Variants in ZNF215 observed in about 807,000 individuals in gnomAD.
ZNF215 encodes zinc finger protein 215, also known as BWSCR2-associated zinc finger protein 2.
A neutral mutation model predicts 27.2 loss-of-function variants in ZNF215; 24 were observed. The observed-to-expected ratio is 0.88, with a 90% CI of 0.64 to 1.24. The LOEUF is 1.24. Ranked by LOEUF, ZNF215 falls within the 50% of genes most tolerant of loss-of-function variation. The pLI is 0.00. For synonymous variants in ZNF215, 210 were observed against 204.0 expected, an observed-to-expected ratio of 1.03 and a Z score of -0.25; for missense variants, 675 against 605.7, an observed-to-expected ratio of 1.11 and a Z score of -1.20.
chr11:6,962,788 C>A (rs1180019495), downstream of ZNF215, among the ~76,000 whole-genome samples: 1 of 152,004 alleles, frequency 6.6e-6, no homozygotes, highest in Non-Finnish European at 1.5e-5. Context: ...TTGTAACAAG[C>A]CCTCTAATTC....
downstream of ZNF215, among the ~76,000 whole-genome samples, chr11:6,958,432 T>C (rs1164675727): frequency 1.3e-5 from 2 of 152,358 alleles, no homozygotes; most frequent in East Asian, 3.9e-4. Flanking sequence ...AAAAAAGTGT[T>C]TACTATGTTC....
chr11:6,952,040 G>C (rs1425331627), intron 6 of ZNF215, among the ~76,000 whole-genome samples: 1 of 152,124 alleles, frequency 6.6e-6, no homozygotes, highest in Non-Finnish European at 1.5e-5. Context: ...GTAGTTGAGT[G>C]GTTTTGAGTG....
intron 5 of ZNF215, among the ~76,000 whole-genome samples, chr11:6,964,898 G>A (rs1405347508): frequency 6.6e-6 from 1 of 151,962 alleles, no homozygotes; most frequent in African/African-American, 2.4e-5. Flanking sequence ...ATTCTCAAAT[G>A]AGTGCCCAAG....
chr11:6,945,958 A>G (rs1849799808), intron 6 of ZNF215, among the ~76,000 whole-genome samples: 1 of 152,180 alleles, frequency 6.6e-6, no homozygotes. Flanking sequence ...ATGAAACTGA[A>G]GTCTGATTTT....
chr11:6,950,456 T>C (rs1457657346), intron 6 of ZNF215, among the ~76,000 whole-genome samples: 1 of 152,210 alleles, frequency 6.6e-6, no homozygotes, highest in African/African-American at 2.4e-5. Flanking sequence ...ACGTCCCTTG[T>C]AAAGTGGATT....
downstream of ZNF215, among the ~76,000 whole-genome samples, chr11:6,991,868 G>C (rs1416904365): frequency 2.0e-5 from 3 of 152,132 alleles, no homozygotes; most frequent in African/African-American, 7.2e-5. Flanking sequence ...ACTACAACTA[G>C]TTACCTGTCA....
At chr11:6,943,343 C>A in intron 5 of ZNF215, 128 bp downstream of exon 5, 1 of 1,390,802 alleles carries the variant, frequency 7.2e-7, no homozygotes, top group Non-Finnish European at 9.8e-7. Flanking sequence ...ATCCTTTGGA[C>A]ACAGTAGCAG....
chr11:6,949,265 G>A (rs576338212), intron 6 of ZNF215, among the ~76,000 whole-genome samples: 1 of 152,156 alleles, frequency 6.6e-6, no homozygotes, highest in South Asian at 2.1e-4. Flanking sequence ...TATATTCCCA[G>A]TAATGGGATG....
At chr11:6,991,782 G>A (rs2133367193), downstream of ZNF215, among the ~76,000 whole-genome samples, 1 of 152,124 alleles carries the variant, frequency 6.6e-6, no homozygotes, top group South Asian at 2.1e-4. Context: ...TCCTCATTTG[G>A]TAATATTTTA....
chr11:6,963,761 G>C lies in ZNF215; in HGVS notation c.805+7979G>C, dbSNP rs11823768. Among the ~76,000 whole-genome samples the C allele has an allele frequency of 5.6e-3, 851 of 152,154 alleles. 4 individuals are homozygous for C. Among genetic ancestry groups the C allele is most frequent in the African/African-American group, 0.018 (755 of 41,538 alleles). On this transcript the variant is annotated intron_variant, in intron 5 of 5. Transcript: ENST00000529903. The stretch of plus-strand genomic sequence containing the variant: ...TTGGCATTCTGACCATAATGGATGA[G>C]AGTACCTGATGTTCCACATACTAAC...
At chr11:6,946,056 C>A (rs190937401) in intron 6 of ZNF215, among the ~76,000 whole-genome samples, 1 of 152,038 alleles carries the variant, frequency 6.6e-6, no homozygotes, top group Non-Finnish European at 1.5e-5. Context: ...CTATTCTTGA[C>A]ACAACTTCTT....
chr11:6,930,951 G>A (rs575290595), intron 2 of ZNF215, among the ~76,000 whole-genome samples: 2 of 152,156 alleles, frequency 1.3e-5, no homozygotes, highest in African/African-American at 4.8e-5. Context: ...ATTTGGACTG[G>A]GTAATTCTTT....
At chr11:6,952,728 A>G (rs1210694602) in intron 6 of ZNF215, among the ~76,000 whole-genome samples, 1 of 152,108 alleles carries the variant, frequency 6.6e-6, no homozygotes, top group Non-Finnish European at 1.5e-5. Context: ...CATTTAGTCC[A>G]TTTACATGTA....
At chr11:6,971,438 C>G (rs1850716190) in intron 5 of ZNF215, among the ~76,000 whole-genome samples, 1 of 152,134 alleles carries the variant, frequency 6.6e-6, no homozygotes, top group Non-Finnish European at 1.5e-5. Flanking sequence ...GCCTTCTCCT[C>G]TATCTCCCTG....
chr11:6,986,024 C>A (rs1230048529), downstream of ZNF215, among the ~76,000 whole-genome samples: 1 of 152,026 alleles, frequency 6.6e-6, no homozygotes, highest in Non-Finnish European at 1.5e-5. Flanking sequence ...TTAGAAAAAA[C>A]TATTCTGAAA....
Position 6,956,628 on chromosome 11 carries a change from A to G in ZNF215, c.*97A>G. The G allele has an allele frequency of 7.0e-7, 1 of 1,431,638 alleles. No homozygotes were observed. The highest frequency in any genetic ancestry group is 1.4e-5 in the African/African-American group (1 of 70,336). 88.7% of individuals were successfully genotyped at this position (1,431,638 alleles called of 1,614,324 possible). A position where few individuals can be genotyped will look rare whatever the true frequency, so the allele number is the denominator to read the frequency against. ...TAAAATCTCATGAATATAATGTAAGAAAACATTTGTCAGATTTTTCTTTAA... is the reference window on the plus strand; with the variant it reads ...TAAAATCTCATGAATATAATGTAAGGAAACATTTGTCAGATTTTTCTTTAA... On this transcript the variant is annotated 3_prime_UTR_variant, in exon 7 of 7. Transcript: ENST00000278319.
chr11:6,978,176 G>C (rs1027761060), intron 5 of ZNF215, among the ~76,000 whole-genome samples: 15 of 151,990 alleles, frequency 9.9e-5, no homozygotes, highest in Admixed American at 7.2e-4. Context: ...TTCATCAGTA[G>C]GAGAATGGAT....
intron 5 of ZNF215, among the ~76,000 whole-genome samples, chr11:6,982,947 C>T (rs79769216): frequency 1.3e-4 from 20 of 150,034 alleles, no homozygotes; most frequent in Non-Finnish European, 2.7e-4. Context: ...AAAAACCCTT[C>T]AAAAAATTAG....
intron 6 of ZNF215, among the ~76,000 whole-genome samples, chr11:6,953,862 G>C (rs981581596): frequency 2.6e-5 from 4 of 152,124 alleles, no homozygotes; most frequent in African/African-American, 9.7e-5. Context: ...CCATCTTGGT[G>C]GTTTTATCTA....
Sources: allele counts gnomAD v4.1 joint callset (sites outside exome capture counted in the v4.1 genomes callset), GRCh38; gene constraint gnomAD v4.1.1; transcripts MANE v1.5; gene names NCBI Gene and HGNC (gene_info 2026-07-23, HGNC 2026-07-21).